Variants in ATXN7L3 observed in about 807,000 individuals in gnomAD.
ATXN7L3 encodes ataxin-7-like protein 3.
Under a neutral mutation model 50.0 loss-of-function variants are expected in ATXN7L3, and 6 were observed. The ratio of observed to expected loss-of-function variants is 0.12; its 90% confidence interval spans 0.07 to 0.24. ATXN7L3 has a LOEUF of 0.24. ATXN7L3 is among the 10% of genes least tolerant of loss of function. ATXN7L3 has a pLI of 1.00. For synonymous variants in ATXN7L3, 198 were observed against 165.8 expected (o/e 1.19, Z -1.49); for missense variants, 322 against 451.3 (o/e 0.71, Z 2.60).
chr17:44,199,070 G>A (rs947330156), intron 1 of ATXN7L3: 1 of 152,328 alleles, frequency 6.6e-6, no homozygotes, highest in Non-Finnish European at 1.5e-5. Context: ...ATACCGACTG[G>A]GGGGAGGACA....
intron 1 of ATXN7L3, chr17:44,199,224 G>A (rs1478464702): frequency 6.6e-6 from 1 of 151,740 alleles, no homozygotes; most frequent in African/African-American, 2.4e-5. Flanking sequence ...ATTGTCCCGG[G>A]GGCTGGGGCC....
At chr17:44,197,065 G>A (rs1251649193) in intron 4 of ATXN7L3, 39 bp from the exon 5 acceptor site, 8 of 1,571,392 alleles carry the variant, frequency 5.1e-6, no homozygotes, top group East Asian at 2.2e-5. Context: ...CAAGGGGAAG[G>A]AAGAGAAAGG....
At chr17:44,195,742 C>G in intron 8 of ATXN7L3, 58 bp downstream of exon 8, 4 of 1,538,178 alleles carry the variant, frequency 2.6e-6, no homozygotes, top group Non-Finnish European at 3.6e-6. Context: ...TTGTCCAAAT[C>G]CCCACCACCT....
chr17:44,194,768 G>T lies in ATXN7L3; in HGVS notation c.737C>A (p.Ala246Asp). 6.2e-7 allele frequency: 1 copy of T among 1,614,058 alleles called. No individual in the cohort carries two copies. Among genetic ancestry groups the T allele is most frequent in the Non-Finnish European group, 8.5e-7 (1 of 1,179,972 alleles). ...TVRIYFLGPS[A>D]VLPEVESSLD... ...CCACCCTTCCTGTAGGGCCACTTAC[G>T]CCGAGGGCCCGAGAAAATAAATCCG... The change falls in exon 11 of 13, where the codon GCT (alanine) becomes GAT (aspartate). Residue 246 changes from alanine (A) to aspartate (D), a missense_variant and splice_region_variant. This residue lies in a region of ATXN7L3 where 122 missense variants were observed against 130.8 expected (regional missense o/e 0.93). Transcript: ENST00000587097.
Position 44,194,605 on chromosome 17 carries a change from G to A in ATXN7L3, c.807C>T (p.Ile269=), listed in dbSNP as rs763957457. 1 of 1,613,910 alleles carries A rather than the reference G, an allele frequency of 6.2e-7. No homozygotes were observed. Among genetic ancestry groups the A allele is most frequent in the Non-Finnish European group, 8.5e-7 (1 of 1,180,006 alleles). The part of the protein sequence containing the change: ...SFDMTDSQAL[I]SRLQWDGSSD... ...AGGAGCCGTCCCACTGAAGCCGGCT[G>A]ATCAGGGCCTGGCTGTCAGTCATGT... is the stretch of plus-strand genomic sequence containing the variant. The change falls in exon 12 of 13, where the codon ATC becomes ATT. Residue 269 remains isoleucine (I), a synonymous_variant. Coordinates refer to ENST00000587097, the MANE Select transcript of ATXN7L3 (RefSeq NM_001382309.1).
At chr17:44,196,226 T>TCCCCCCCCCCC in intron 6 of ATXN7L3, 147 bp from the exon 7 acceptor site, 1 of 737,704 alleles carries the variant, frequency 1.4e-6, no homozygotes, top group Non-Finnish European at 2.1e-6. Flanking sequence ...CCATGTGCCC[T>TCCCCCCCCCCC]CCCCCACCCC....
Position 44,192,673 on chromosome 17 carries a change from G to A in ATXN7L3, c.*1590C>T, listed in dbSNP as rs1255004385. On this transcript the variant is annotated 3_prime_UTR_variant, in exon 13 of 13. Coordinates refer to ENST00000587097, the MANE Select transcript of ATXN7L3 (RefSeq NM_001382309.1). Reference sequence around the variant, plus strand: ...GCTTTTTAAAAAATAATCACAATTTGTGGGTTAAAAACCAATTTGCAACCA... The same window carrying A: ...GCTTTTTAAAAAATAATCACAATTTATGGGTTAAAAACCAATTTGCAACCA... 6.6e-6 allele frequency: 1 copy of A among 152,222 alleles called. No individual in the cohort carries two copies. The highest frequency in any genetic ancestry group is 1.5e-5 in the Non-Finnish European group (1 of 68,052). The allele number at this position is 152,222 out of a possible 1,614,324, so 9.4% of individuals were successfully genotyped here. A position where few individuals can be genotyped will look rare whatever the true frequency, so the allele number is the denominator to read the frequency against.
rs778127065 is a variant in ATXN7L3, at chr17:44,195,068, C to G, written c.665+29G>C. The G allele has an allele frequency of 3.7e-6, 6 of 1,613,360 alleles. No homozygotes were observed. The South Asian group carries it at 5.5e-5, about 15-fold the overall frequency. On this transcript the variant is annotated intron_variant, in intron 10 of 12. Coordinates refer to ENST00000587097, the MANE Select transcript of ATXN7L3 (RefSeq NM_001382309.1). ...CCCATGGTGAGTGTGCAGGAAGCGC[C>G]TGGCCCCCTTTCTAGGTTCTGTGCT...
At position 44,196,393 on chromosome 17, in the gene ATXN7L3, C is replaced by G. The variant is rs1331334804; in HGVS notation, c.477+3G>C. 6.2e-7 allele frequency: 1 copy of G among 1,614,084 alleles called. No homozygotes were observed. Among genetic ancestry groups the G allele is most frequent in the Non-Finnish European group, 8.5e-7 (1 of 1,180,008 alleles). On this transcript the variant is annotated splice_donor_region_variant and intron_variant, in intron 6 of 12. Transcript: ENST00000587097. ...TTTCCCCAATGCCTGGCCCGGCTCT[C>G]ACCTTGTCTGACTTTCTCTTCTTGG...
chr17:44,198,206 G>A (rs2144492345), intron 1 of ATXN7L3, 76 bp from the exon 2 acceptor site: 3 of 782,050 alleles, frequency 3.8e-6, no homozygotes, highest in Non-Finnish European at 6.4e-6. Flanking sequence ...TCCCCACCTC[G>A]CTGCCCAAAG....
chr17:44,195,301 G>T, intron 9 of ATXN7L3, 118 bp downstream of exon 9: 1 of 1,375,958 alleles, frequency 7.3e-7, no homozygotes, highest in Non-Finnish European at 1.0e-6. Context: ...CCTAATTCCA[G>T]ACAGAGAGAA....
In ATXN7L3 at chr17:44,197,680, T is replaced by A; in HGVS notation, c.102A>T (p.Gly34=). The A allele has an allele frequency of 4.3e-6, 7 of 1,614,176 alleles. No homozygotes were observed. The highest frequency in any genetic ancestry group is 5.9e-6 in the Non-Finnish European group (7 of 1,180,030). Residue 34 remains glycine, a synonymous_variant, in exon 3 of 13, where the codon GGA becomes GGT. Coordinates refer to ENST00000587097, the MANE Select transcript of ATXN7L3 (RefSeq NM_001382309.1). ...CAGCCCGGTGTACCTCAAAGCAGAA[T>A]CCCAAACAAGAATCCTCGACCAGGT... is the stretch of plus-strand genomic sequence containing the variant. ...YADLVEDSCL[G]FCFEVHRAVK...
In ATXN7L3 at chr17:44,194,664, C is replaced by T; in HGVS notation, c.748G>A (p.Glu250Lys). 1.2e-6 allele frequency: 2 copies of T among 1,614,138 alleles called. No homozygotes were observed. Among genetic ancestry groups the T allele is most frequent in the Non-Finnish European group, 1.7e-6 (2 of 1,180,002 alleles). The change falls in exon 12 of 13, where the codon GAG becomes AAG. Residue 250 changes from glutamate to lysine, a missense_variant. This residue lies in a region of ATXN7L3 where 122 missense variants were observed against 130.8 expected (regional missense o/e 0.93). Coordinates refer to ENST00000587097, the MANE Select transcript of ATXN7L3 (RefSeq NM_001382309.1). ...YFLGPSAVLP[E>K]VESSLDNDSF... The stretch of plus-strand genomic sequence containing the variant: ...TCATTATCCAGGGAGCTCTCGACCT[C>T]TGGAAGGACACTGGAAAGGGGATGA...
In ATXN7L3 at chr17:44,192,303, C is replaced by T. The variant is rs1307533037; in HGVS notation, c.*1960G>A. On this transcript the variant is annotated 3_prime_UTR_variant, in exon 13 of 13. Transcript: ENST00000587097. The stretch of plus-strand genomic sequence containing the variant: ...ACCCAGCCTGGGCAGGGGGCTCTGC[C>T]CTGAGGGCGGGCCAAGGAACAATGG... 1.3e-5 allele frequency: 2 copies of T among 152,276 alleles called. No individual in the cohort carries two copies. The highest frequency in any genetic ancestry group is 2.9e-5 in the Non-Finnish European group (2 of 68,078). 9.4% of individuals were successfully genotyped at this position (152,276 alleles called of 1,614,324 possible).
intron 9 of ATXN7L3, 103 bp from the exon 10 acceptor site, chr17:44,195,243 C>T (rs774955254): frequency 6.4e-5 from 90 of 1,407,038 alleles, no homozygotes; most frequent in Non-Finnish European, 8.9e-5. Flanking sequence ...CAGAGATGGC[C>T]CAAAGGTGTC....
chr17:44,192,640 T>C lies in ATXN7L3; in HGVS notation c.*1623A>G, dbSNP rs1034231671. The C allele has an allele frequency of 1.3e-5, 2 of 152,096 alleles. No homozygotes were observed. Among genetic ancestry groups the C allele is most frequent in the African/African-American group, 2.4e-5 (1 of 41,402 alleles). The allele number at this position is 152,096 out of a possible 1,614,324, so 9.4% of individuals were successfully genotyped here. A position where few individuals can be genotyped will look rare whatever the true frequency, so the allele number is the denominator to read the frequency against. On this transcript the variant is annotated 3_prime_UTR_variant, in exon 13 of 13. Transcript: ENST00000587097. ...GGATTTATTCTAACTCCTGCCAAAA[T>C]CTGTTTGGCTTTTTAAAAAATAATC...
chr17:44,197,669 T>C lies in ATXN7L3; in HGVS notation c.113A>G (p.Glu38Gly). 6.2e-7 allele frequency: 1 copy of C among 1,614,232 alleles called. No homozygotes were observed. The highest frequency in any genetic ancestry group is 8.5e-7 in the Non-Finnish European group (1 of 1,180,042). Residue 38 changes from glutamate to glycine, a missense_variant, in exon 3 of 13, where the codon GAG (glutamate) becomes GGG (glycine). Physicochemically the swap from Glu to Gly is moderately conservative, Grantham distance 98. Coordinates refer to ENST00000587097, the MANE Select transcript of ATXN7L3 (RefSeq NM_001382309.1). ...GCCACACTTGACAGCCCGGTGTACCTCAAAGCAGAATCCCAAACAAGAATC... is the reference window on the plus strand; with the variant it reads ...GCCACACTTGACAGCCCGGTGTACCCCAAAGCAGAATCCCAAACAAGAATC... ...VEDSCLGFCF[E>G]VHRAVKCGYF...
Position 44,195,450 on chromosome 17 carries a change from C to T in ATXN7L3, c.590G>A (p.Gly197Glu), listed in dbSNP as rs992317450. Reference protein sequence around the residue: ...NSTGISYETLGPEELRSLLTT... With the variant: ...NSTGISYETLEPEELRSLLTT... ...TAGCAGGCTGCGAAGCTCCTCCGGC[C>T]CCAGGGTCTCATAGCTGATCCCAGT... The change falls in exon 9 of 13, where the codon GGG (glycine) becomes GAG (glutamate). Residue 197 changes from glycine to glutamate, a missense_variant. Gly to Glu is a moderately conservative substitution (Grantham distance 98). Around this residue, in one of 5 missense-constraint regions of ATXN7L3, gnomAD observed 95 missense variants for 98.1 expected, o/e 0.97. Transcript: ENST00000587097. The T allele has an allele frequency of 6.2e-7, 1 of 1,613,988 alleles. No homozygotes were observed. Among genetic ancestry groups the T allele is most frequent in the East Asian group, 2.2e-5 (1 of 44,884 alleles).
chr17:44,198,322 C>A, intron 1 of ATXN7L3, 192 bp from the exon 2 acceptor site: 1 of 490,722 alleles, frequency 2.0e-6, no homozygotes, highest in Admixed American at 3.7e-5. Context: ...TTTCCCAGGC[C>A]TGAGCTCAGG....
Sources: gnomAD v4.1 joint callset for allele counts on GRCh38, gnomAD v4.1.1 for gene constraint, gnomAD v4.1.1 regional missense constraint, MANE v1.5 for transcripts, NCBI Gene and HGNC (gene_info 2026-07-23, HGNC 2026-07-21) for gene names.